CLCN6: variants seen among roughly 807,000 people sequenced by gnomAD.
The protein encoded by CLCN6 is H(+)/Cl(-) exchange transporter 6.
CLCN6 carries 70 observed loss-of-function variants against 109.8 expected under a neutral mutation model. The ratio of observed to expected loss-of-function variants is 0.64; its 90% confidence interval spans 0.53 to 0.78. The LOEUF (loss-of-function observed/expected upper bound fraction) is 0.78. CLCN6 is among the 30% of genes least tolerant of loss of function. The probability of loss-of-function intolerance (pLI) is 0.00; values close to 1 mark genes in which losing one functional copy is unlikely to be tolerated. For synonymous variants in CLCN6, 444 were observed against 447.8 expected, an observed-to-expected ratio of 0.99 and a Z score of 0.11; for missense variants, 984 against 1,142.3, an observed-to-expected ratio of 0.86 and a Z score of 2.00.
intron 1 of CLCN6, 53 bp downstream of exon 1, chr1:11,806,402 G>C: frequency 7.0e-7 from 1 of 1,435,080 alleles, no homozygotes; most frequent in South Asian, 1.5e-5. Flanking sequence ...AAGGGACTGA[G>C]AGAGGCGTTG....
chr1:11,808,900 C>G, intron 2 of CLCN6, among the ~76,000 whole-genome samples: 1 of 151,626 alleles, frequency 6.6e-6, no homozygotes, highest in East Asian at 1.9e-4. Flanking sequence ...CTCTTAGTGC[C>G]CAGGTTGGAG....
chr1:11,837,814 G>T (rs1209215914), intron 20 of CLCN6, among the ~76,000 whole-genome samples: 2 of 152,102 alleles, frequency 1.3e-5, no homozygotes, highest in Non-Finnish European at 2.9e-5. Context: ...TGTGAACACA[G>T]CCCCCATCCT....
intron 13 of CLCN6, among the ~76,000 whole-genome samples, chr1:11,832,494 C>T (rs575865026): frequency 1.4e-4 from 21 of 152,376 alleles, no homozygotes; most frequent in African/African-American, 4.6e-4. Flanking sequence ...CACTCCACAA[C>T]GCTGAGGCTC....
intron 2 of CLCN6, among the ~76,000 whole-genome samples, chr1:11,814,687 T>A (rs772200171): frequency 6.6e-6 from 1 of 152,134 alleles, no homozygotes. Flanking sequence ...GCTTCAGATG[T>A]AGAAGTTTTA....
chr1:11,811,544 G>A (rs188786964), intron 2 of CLCN6, among the ~76,000 whole-genome samples: 94 of 152,140 alleles, frequency 6.2e-4, no homozygotes, highest in African/African-American at 2.0e-3. Context: ...CACCACACCC[G>A]GCTAATTTTG....
chr1:11,834,180 C>A lies in CLCN6; in HGVS notation c.1527-56C>A. On this transcript the variant is annotated intron_variant, in intron 15 of 22. Coordinates refer to ENST00000346436, the MANE Select transcript of CLCN6 (RefSeq NM_001286.5). The surrounding 1 kb of genome is among the most constrained non-coding windows in gnomAD (Gnocchi z 4.5). Reference sequence around the variant, plus strand: ...CACAAGAGTATGAGCTGTAGGTCCTCCCCACAGCCTATCAGTGTGGTTCAA... The same window carrying A: ...CACAAGAGTATGAGCTGTAGGTCCTACCCACAGCCTATCAGTGTGGTTCAA... 6.3e-7 allele frequency: 1 copy of A among 1,595,818 alleles called. No individual in the cohort carries two copies. Among genetic ancestry groups the A allele is most frequent in the Non-Finnish European group, 8.5e-7 (1 of 1,170,934 alleles).
In CLCN6 at chr1:11,819,622, A is replaced by T. The variant is rs552537434; in HGVS notation, c.346+68A>T. 215 of 1,415,006 alleles carry T rather than the reference A, an allele frequency of 1.5e-4. No individual in the cohort carries two copies. The African/African-American group carries it at 2.4e-3, about 16-fold the overall frequency. 87.7% of individuals were successfully genotyped at this position (1,415,006 alleles called of 1,614,324 possible). ...CACCAAGATTCTTTCTTACATAGAA[A>T]TGGGTCTAACAGTAAGCATAGTATT... is the stretch of plus-strand genomic sequence containing the variant. On this transcript the variant is annotated intron_variant, in intron 5 of 22. Coordinates refer to ENST00000346436, the MANE Select transcript of CLCN6 (RefSeq NM_001286.5).
At chr1:11,812,821 C>A (rs753494468) in intron 2 of CLCN6, among the ~76,000 whole-genome samples, 64 of 151,990 alleles carry the variant, frequency 4.2e-4, no homozygotes, top group Non-Finnish European at 1.6e-4. Context: ...TCTTCTCTGC[C>A]GTTCCCTTAT....
intron 17 of CLCN6, among the ~76,000 whole-genome samples, chr1:11,835,562 G>A (rs536747111): frequency 1.3e-5 from 2 of 152,132 alleles, no homozygotes; most frequent in Admixed American, 6.5e-5. Flanking sequence ...TGCGTGAGCC[G>A]CTGCACCCAG....
rs749511139 is a variant in CLCN6, at chr1:11,823,852, G to C, written c.580+19G>C. 6.2e-7 allele frequency: 1 copy of C among 1,613,526 alleles called. No individual in the cohort carries two copies. Among genetic ancestry groups the C allele is most frequent in the Non-Finnish European group, 8.5e-7 (1 of 1,179,654 alleles). On this transcript the variant is annotated intron_variant, in intron 7 of 22. Transcript: ENST00000346436. ...GCTGGAGGTAAGAAGGGTCCAACTTGTATCCTTCAAATACTCAAAGGGCAG... is the reference window on the plus strand; with the variant it reads ...GCTGGAGGTAAGAAGGGTCCAACTTCTATCCTTCAAATACTCAAAGGGCAG...
At position 11,808,682 on chromosome 1, in the gene CLCN6, CTT is replaced by C. The variant is rs35849926; in HGVS notation, c.147+1505_147+1506del. Among the ~76,000 whole-genome samples, 555 of 136,304 alleles carry C rather than the reference CTT, an allele frequency of 4.1e-3. 5 individuals carry two copies. Among genetic ancestry groups the C allele is most frequent in the Admixed American group, 0.012 (156 of 13,390 alleles). 89.4% of individuals were successfully genotyped at this position (136,304 alleles called of 152,430 possible). A position where few individuals can be genotyped will look rare whatever the true frequency, so the allele number is the denominator to read the frequency against. On this transcript the variant is annotated intron_variant, in intron 2 of 22. Coordinates refer to ENST00000346436, the MANE Select transcript of CLCN6 (RefSeq NM_001286.5). The stretch of plus-strand genomic sequence containing the variant: ...TTTAATCTGTAGCTTCTTCCTTCAT[CTT>C]TTTTTTTTTTTTGTAAGTTATTTGA...
chr1:11,833,456 C>T, intron 13 of CLCN6, 59 bp from the exon 14 acceptor site: 1 of 1,578,650 alleles, frequency 6.3e-7, no homozygotes, highest in Non-Finnish European at 8.7e-7. Flanking sequence ...TGGAGACATC[C>T]CACTTGAAGA....
In CLCN6 at chr1:11,834,182, C is replaced by G. The variant is rs547040261; in HGVS notation, c.1527-54C>G. 1.4e-4 allele frequency: 230 copies of G among 1,597,490 alleles called. No homozygotes were observed. The African/African-American group carries it at 2.6e-3, about 18-fold the overall frequency. Reference sequence around the variant, plus strand: ...CAAGAGTATGAGCTGTAGGTCCTCCCCACAGCCTATCAGTGTGGTTCAAAG... The same window carrying G: ...CAAGAGTATGAGCTGTAGGTCCTCCGCACAGCCTATCAGTGTGGTTCAAAG... On this transcript the variant is annotated intron_variant, in intron 15 of 22. Transcript: ENST00000346436. This position sits in a 1 kb window ranked among gnomAD's most constrained non-coding sequence, Gnocchi z 4.5.
chr1:11,809,600 T>G (rs1352088135), intron 2 of CLCN6, among the ~76,000 whole-genome samples: 1 of 151,868 alleles, frequency 6.6e-6, no homozygotes, highest in Non-Finnish European at 1.5e-5. Flanking sequence ...TGGGACTACA[T>G]GCATACACCA....
At chr1:11,831,893 T>C (rs966152934) in intron 13 of CLCN6, among the ~76,000 whole-genome samples, 1 of 152,230 alleles carries the variant, frequency 6.6e-6, no homozygotes, top group Non-Finnish European at 1.5e-5. Context: ...CAGGCTGGTC[T>C]CGAACTTCTG....
intron 4 of CLCN6, among the ~76,000 whole-genome samples, chr1:11,819,278 C>A (rs1644711156): frequency 1.3e-5 from 2 of 152,136 alleles, no homozygotes; most frequent in Admixed American, 1.3e-4. Flanking sequence ...GTACTCTCTG[C>A]CTTTGTTCTT....
chr1:11,816,734 A>G (rs1644678015), intron 4 of CLCN6, 54 bp downstream of exon 4: 4 of 1,378,526 alleles, frequency 2.9e-6, no homozygotes, highest in Non-Finnish European at 4.1e-6. Context: ...AGGGGCTTAC[A>G]GGGAAAGCCC....
chr1:11,837,566 C>T (rs1183740961), intron 20 of CLCN6, 67 bp downstream of exon 20: 87 of 1,523,382 alleles, frequency 5.7e-5, no homozygotes, highest in Non-Finnish European at 6.8e-5. Flanking sequence ...TGGGCGCTGC[C>T]GGCGGGCCGT....
At position 11,815,918 on chromosome 1, in the gene CLCN6, C is replaced by G. The variant is rs1644663431; in HGVS notation, c.213+7C>G. ...GGAGACCATGGATAATAAGGTGGGT[C>G]TTACAATTCTTCATCTCTGGGGATC... On this transcript the variant is annotated splice_region_variant and intron_variant, in intron 3 of 22. Transcript: ENST00000346436. The G allele has an allele frequency of 6.3e-7, 1 of 1,598,542 alleles. No individual in the cohort carries two copies. Among genetic ancestry groups the G allele is most frequent in the African/African-American group, 1.3e-5 (1 of 74,586 alleles).
Sources: gnomAD v4.1 joint callset for allele counts (sites outside exome capture counted in the v4.1 genomes callset) on GRCh38, gnomAD v4.1.1 for gene constraint, Gnocchi (gnomAD v3.1) non-coding constraint, MANE v1.5 for transcripts, NCBI Gene and HGNC (gene_info 2026-07-23, HGNC 2026-07-21) for gene names.